Variants in SLCO1B3 observed in about 807,000 individuals in gnomAD.
SLCO1B3 encodes solute carrier organic anion transporter family member 1B3, also known as liver-specific organic anion transporter 2.
In SLCO1B3, 72 loss-of-function variants were observed where a neutral mutation model predicts 71.8. That is an observed-to-expected ratio of 1.00 (90% CI 0.83 to 1.22). The LOEUF (loss-of-function observed/expected upper bound fraction) is 1.22. Among genes scored for constraint, SLCO1B3 ranks in the 50% most tolerant of loss-of-function variants. The pLI is 0.00. For missense variants in SLCO1B3, 911 were observed against 819.7 expected, an observed-to-expected ratio of 1.11 and a Z score of -1.36; for synonymous variants, 298 against 278.4, an observed-to-expected ratio of 1.07 and a Z score of -0.70.
chr12:20,880,899 G>T lies in SLCO1B3; in HGVS notation c.1376G>T (p.Cys459Phe). 1 of 1,609,710 alleles carries T rather than the reference G, an allele frequency of 6.2e-7. No homozygotes were observed. Among genetic ancestry groups the T allele is most frequent in the Non-Finnish European group, 8.5e-7 (1 of 1,176,742 alleles). Residue 459 changes from cysteine to phenylalanine, a missense_variant, in exon 12 of 16, where the codon TGC (cysteine) becomes TTC (phenylalanine). Cys to Phe is a radical substitution (Grantham distance 205, BLOSUM62 -2). Transcript: ENST00000381545. ...CATGTAGATGTACCACTTTCTTATT[G>T]CAACTCAGAGTGCAATTGTGATGAA... ...ASHVDVPLSY[C>F]NSECNCDESQ...
intron 3 of SLCO1B3, among the ~76,000 whole-genome samples, chr12:20,841,206 G>A (rs1864793146): frequency 6.6e-6 from 1 of 151,834 alleles, no homozygotes. Flanking sequence ...ACAGTGGTTT[G>A]CCACATGTCC....
Position 20,841,884 on chromosome 12 carries a change from GTTTT to G in SLCO1B3, c.85-13129_85-13126del, listed in dbSNP as rs57925057. The stretch of plus-strand genomic sequence containing the variant: ...CATATTCTTTGAATTGTTGGATGTA[GTTTT>G]TTTTTTTTTTTTTTGAGACAGAGTC... On this transcript the variant is annotated intron_variant, in intron 3 of 15. Transcript: ENST00000381545. Among the ~76,000 whole-genome samples the G allele has an allele frequency of 1.3e-3, 172 of 132,258 alleles. 1 individual carries two copies. The South Asian group carries it at 0.028, about 21-fold the overall frequency. 86.8% of individuals were successfully genotyped at this position (132,258 alleles called of 152,430 possible). A position where few individuals can be genotyped will look rare whatever the true frequency, so the allele number is the denominator to read the frequency against.
intron 3 of SLCO1B3, among the ~76,000 whole-genome samples, chr12:20,852,451 AC>A (rs1171649175): frequency 6.6e-6 from 1 of 152,180 alleles, no homozygotes; most frequent in African/African-American, 2.4e-5. Flanking sequence ...TGTACTCCAG[AC>A]TGGGCAACAG....
chr12:20,835,594 C>T (rs1423418056), intron 3 of SLCO1B3, among the ~76,000 whole-genome samples: 2 of 152,144 alleles, frequency 1.3e-5, no homozygotes, highest in Non-Finnish European at 2.9e-5. Flanking sequence ...TGCTCTAGTT[C>T]CCAAAAAGTT....
chr12:20,885,504 A>G (rs1465252195), intron 13 of SLCO1B3, among the ~76,000 whole-genome samples: 1 of 102,762 alleles, frequency 9.7e-6, no homozygotes, highest in Non-Finnish European at 2.6e-5. Context: ...GTAAATGTGA[A>G]GCACTAGAAA....
intron 5 of SLCO1B3, 56 bp from the exon 6 acceptor site, chr12:20,860,961 A>G: frequency 6.7e-7 from 1 of 1,482,126 alleles, no homozygotes; most frequent in Non-Finnish European, 9.1e-7. Context: ...ATTTCTGGGA[A>G]AACTGAAAAT....
intron 3 of SLCO1B3, among the ~76,000 whole-genome samples, chr12:20,819,854 G>A (rs899496778): frequency 4.6e-5 from 7 of 152,038 alleles, no homozygotes; most frequent in African/African-American, 1.7e-4. Context: ...ATACTTGTGG[G>A]TTAAGGTGGG....
At chr12:20,830,910 G>C (rs964238675) in intron 3 of SLCO1B3, among the ~76,000 whole-genome samples, 2 of 152,192 alleles carry the variant, frequency 1.3e-5, no homozygotes, top group Non-Finnish European at 2.9e-5. Context: ...TAAATACTGA[G>C]TGTTACAGTG....
chr12:20,854,305 C>CATTATT (rs138788559), intron 3 of SLCO1B3, among the ~76,000 whole-genome samples: 89,411 of 151,092 alleles, frequency 0.59, 28,480 homozygotes, highest in South Asian at 0.82. Context: ...ATTGAAGTAT[C>CATTATT]ATTATTATTA....
intron 3 of SLCO1B3, among the ~76,000 whole-genome samples, chr12:20,835,537 G>T (rs903511024): frequency 6.6e-6 from 1 of 152,094 alleles, no homozygotes; most frequent in Non-Finnish European, 1.5e-5. Context: ...TAGGGCAGAG[G>T]CAAAATTCTG....
rs763357861 is a variant in SLCO1B3 at position 20,850,311 on chromosome 12, G to A, written c.85-4717G>A. Among the ~76,000 whole-genome samples, 6 of 145,132 alleles carry A rather than the reference G, an allele frequency of 4.1e-5. No individual in the cohort carries two copies. The South Asian group carries it at 6.5e-4, about 16-fold the overall frequency. On this transcript the variant is annotated intron_variant, in intron 3 of 15. Coordinates refer to ENST00000381545, the MANE Select transcript of SLCO1B3 (RefSeq NM_019844.4). ...TTATTTATTTTTGAGACAGAGTCTC[G>A]CTCTGTCGCCAAGGCTGGAGTGCCA... is the stretch of plus-strand genomic sequence containing the variant.
chr12:20,876,947 C>T (rs1865592123), intron 9 of SLCO1B3, among the ~76,000 whole-genome samples: 2 of 152,126 alleles, frequency 1.3e-5, no homozygotes, highest in Admixed American at 1.3e-4. Context: ...TCTCCTGCCT[C>T]AGCCTCCCGA....
At chr12:20,863,955 T>A (rs1290421519) in intron 8 of SLCO1B3, among the ~76,000 whole-genome samples, 14 of 152,132 alleles carry the variant, frequency 9.2e-5, no homozygotes, top group Admixed American at 7.9e-4. Flanking sequence ...GATTTTTTTT[T>A]AAATAAGTAC....
At chr12:20,877,331 A>G (rs904984597) in intron 9 of SLCO1B3, among the ~76,000 whole-genome samples, 3 of 152,176 alleles carry the variant, frequency 2.0e-5, no homozygotes, top group African/African-American at 7.2e-5. Flanking sequence ...CTAAGTACCT[A>G]TAGTCAGAAA....
chr12:20,875,265 G>T lies in SLCO1B3; in HGVS notation c.758G>T (p.Arg253Leu). The change falls in exon 9 of 16, where the codon CGT (arginine) becomes CTT (leucine). Residue 253 changes from arginine to leucine, a missense_variant. By Grantham distance (102) the Arg-to-Leu change is moderately radical (BLOSUM62 -2). Coordinates refer to ENST00000381545, the MANE Select transcript of SLCO1B3 (RefSeq NM_019844.4). Reference protein sequence around the residue: ...STIRITPKDSRWVGAWWLGFL... With the variant: ...STIRITPKDSLWVGAWWLGFL... ...ATCAGAATAACTCCTAAGGACTCTC[G>T]TTGGGTTGGAGCTTGGTGGCTTGGT... The T allele has an allele frequency of 6.2e-7, 1 of 1,612,944 alleles. No individual in the cohort carries two copies. The highest frequency in any genetic ancestry group is 2.2e-5 in the East Asian group (1 of 44,860).
intron 15 of SLCO1B3, among the ~76,000 whole-genome samples, chr12:20,903,013 C>T (rs1866159587): frequency 6.8e-6 from 1 of 147,148 alleles, no homozygotes. Flanking sequence ...GTGGAGGTGG[C>T]AGTGAGCTGA....
intron 3 of SLCO1B3, among the ~76,000 whole-genome samples, chr12:20,841,810 A>G (rs1515770): frequency 0.72 from 109,723 of 151,504 alleles, 42,309 homozygotes; most frequent in South Asian, 0.9. Context: ...TTTATGTCCG[A>G]ATATATCATC....
At chr12:20,907,069 A>G (rs1022747800) in intron 15 of SLCO1B3, among the ~76,000 whole-genome samples, 4 of 152,196 alleles carry the variant, frequency 2.6e-5, no homozygotes, top group African/African-American at 9.6e-5. Flanking sequence ...TATTCACAAT[A>G]TATTGGTATA....
At chr12:20,878,288 A>T (rs1865624021) in intron 10 of SLCO1B3, among the ~76,000 whole-genome samples, 2 of 152,116 alleles carry the variant, frequency 1.3e-5, no homozygotes, top group Admixed American at 1.3e-4. Flanking sequence ...TAATATAACC[A>T]TTATAATTCT....
Sources: allele counts gnomAD v4.1 joint callset (sites outside exome capture counted in the v4.1 genomes callset), GRCh38; gene constraint gnomAD v4.1.1; transcripts MANE v1.5; gene names NCBI Gene and HGNC (gene_info 2026-07-23, HGNC 2026-07-21).